ZZEF1: variants seen among roughly 807,000 people sequenced by gnomAD.
ZZEF1 encodes zinc finger ZZ-type and EF-hand domain-containing protein 1.
ZZEF1 carries 157 observed loss-of-function variants against 342.8 expected under a neutral mutation model. The observed-to-expected ratio is 0.46, with a 90% CI of 0.40 to 0.52. The LOEUF (loss-of-function observed/expected upper bound fraction) is 0.52, where lower values mean the gene tolerates loss of function less well. Among genes scored for constraint, ZZEF1 ranks in the 20% least tolerant of loss-of-function variants. ZZEF1 has a pLI of 0.00. For missense variants in ZZEF1, 3,480 were observed against 3,725.6 expected, an observed-to-expected ratio of 0.93 and a Z score of 1.72; for synonymous variants, 1,505 against 1,429.1, an observed-to-expected ratio of 1.05 and a Z score of -1.20.
rs750868623 is a variant in ZZEF1 at position 4,016,404 on chromosome 17, T to C, written c.8064A>G (p.Ala2688=). 3.3e-5 allele frequency: 53 copies of C among 1,614,030 alleles called. No individual in the cohort carries two copies. The highest frequency in any genetic ancestry group is 2.1e-5 in the Non-Finnish European group (25 of 1,180,036). ...TTCCTGGCTCCTCCATGAACTGGCA[T>C]GCAGCCAGGGCCATGGTCCCCAGCA... ...EDMLGTMALA[A]CQFMEEPGME... is the part of the protein sequence containing the mutation. Residue 2688 remains alanine (A), a synonymous_variant, in exon 49 of 55, where the codon GCA becomes GCG. Coordinates refer to ENST00000381638, the MANE Select transcript of ZZEF1 (RefSeq NM_015113.4). This position sits in a 1 kb window ranked among gnomAD's most constrained non-coding sequence, Gnocchi z 4.4.
rs927622777 is a variant in ZZEF1, at chr17:4,090,584, C to T, written c.2025+135G>A. The T allele has an allele frequency of 1.3e-5, 9 of 681,262 alleles. No individual in the cohort carries two copies. In the African/African-American group the frequency reaches 1.6e-4, roughly 12 times the overall value. 42.2% of individuals were successfully genotyped at this position (681,262 alleles called of 1,614,324 possible). ...CACACTGTCTTACACATCTGTCTCTCCCACAGAGTATGAACTCCCTGAAGG... is the reference window on the plus strand; with the variant it reads ...CACACTGTCTTACACATCTGTCTCTTCCACAGAGTATGAACTCCCTGAAGG... On this transcript the variant is annotated intron_variant, in intron 12 of 54. Transcript: ENST00000381638.
At chr17:4,051,749 A>AG (rs1294059317) in intron 35 of ZZEF1, among the ~76,000 whole-genome samples, 1 of 139,546 alleles carries the variant, frequency 7.2e-6, no homozygotes, top group East Asian at 2.0e-4. Flanking sequence ...TAACACAGGA[A>AG]AAAAAAAAAA....
rs7207986 is a variant in ZZEF1 at position 4,076,655 on chromosome 17, G to A, written c.3216C>T (p.Pro1072=). Reference sequence around the variant, plus strand: ...GAGTTACCTTCCTCAGTCCTCCTTCGGGGCCACTACAGAGCTTCTTCAGGA... The same window carrying A: ...GAGTTACCTTCCTCAGTCCTCCTTCAGGGCCACTACAGAGCTTCTTCAGGA... The part of the protein sequence containing the change: ...TELLKKLCSG[P]EGGLRKLDVE... The change falls in exon 21 of 55, where the codon CCC becomes CCT. Residue 1072 remains proline (P), a synonymous_variant. Coordinates refer to ENST00000381638, the MANE Select transcript of ZZEF1 (RefSeq NM_015113.4). 0.18 allele frequency: 291,279 copies of A among 1,610,174 alleles called. 26,956 individuals carry two copies. Among genetic ancestry groups the A allele is most frequent in the East Asian group, 0.22 (9,852 of 44,724 alleles).
At chr17:4,055,265 C>A (rs555071544) in intron 33 of ZZEF1, among the ~76,000 whole-genome samples, 2 of 152,188 alleles carry the variant, frequency 1.3e-5, no homozygotes, top group Non-Finnish European at 2.9e-5. Context: ...TTAACATATG[C>A]GAGAGAAAAA....
In ZZEF1 at chr17:4,016,574, C is replaced by T; in HGVS notation, c.8002-108G>A. 1 of 1,367,076 alleles carries T rather than the reference C, an allele frequency of 7.3e-7. No homozygotes were observed. The highest frequency in any genetic ancestry group is 9.7e-7 in the Non-Finnish European group (1 of 1,028,882). 84.7% of individuals were successfully genotyped at this position (1,367,076 alleles called of 1,614,324 possible). On this transcript the variant is annotated intron_variant, in intron 48 of 54. Coordinates refer to ENST00000381638, the MANE Select transcript of ZZEF1 (RefSeq NM_015113.4). The surrounding 1 kb of genome is among the most constrained non-coding windows in gnomAD (Gnocchi z 4.4). Reference sequence around the variant, plus strand: ...CCAAAGGTGCTGGCATCATCTTAGACCTAGGACGAGCCTCTGTGACTCCAC... The same window carrying T: ...CCAAAGGTGCTGGCATCATCTTAGATCTAGGACGAGCCTCTGTGACTCCAC...
intron 52 of ZZEF1, among the ~76,000 whole-genome samples, chr17:4,010,846 A>G (rs1652244268): frequency 6.6e-6 from 1 of 152,190 alleles, no homozygotes; most frequent in African/African-American, 2.4e-5. Context: ...ACAACAGTAA[A>G]CAGACACAAC....
chr17:4,056,032 C>T (rs559942390), intron 33 of ZZEF1, among the ~76,000 whole-genome samples, 184 bp downstream of exon 33: 14 of 152,360 alleles, frequency 9.2e-5, no homozygotes, highest in Non-Finnish European at 1.9e-4. Flanking sequence ...CTCAGCCTCC[C>T]TCGCTTGCCT....
At chr17:4,055,537 AGGC>A (rs1197876485) in intron 33 of ZZEF1, among the ~76,000 whole-genome samples, 2 of 152,176 alleles carry the variant, frequency 1.3e-5, no homozygotes, top group African/African-American at 4.8e-5. Context: ...CATGCTCACC[AGGC>A]AGCCTTCTGA....
chr17:4,124,273 T>C, intron 1 of ZZEF1, among the ~76,000 whole-genome samples: 1 of 152,224 alleles, frequency 6.6e-6, no homozygotes, highest in East Asian at 1.9e-4. Context: ...TTCCAATCTA[T>C]ATTCCAAGAG....
Position 4,016,353 on chromosome 17 carries a change from T to G in ZZEF1, c.8115A>C (p.Lys2705Asn). 1.9e-6 allele frequency: 3 copies of G among 1,614,128 alleles called. No individual in the cohort carries two copies. Among genetic ancestry groups the G allele is most frequent in the Non-Finnish European group, 2.5e-6 (3 of 1,180,006 alleles). ...PGMEVQVRES[K>N]HPYNNNTNFE... ...AGTTGGTGTTGTTGTTATACGGGTG[T>G]TTCGACTCCCTCACTTGCACCTCCA... is the stretch of plus-strand genomic sequence containing the variant. Residue 2705 changes from lysine (K) to asparagine (N), a missense_variant, in exon 49 of 55, where the codon AAA becomes AAC. Coordinates refer to ENST00000381638, the MANE Select transcript of ZZEF1 (RefSeq NM_015113.4). This position sits in a 1 kb window ranked among gnomAD's most constrained non-coding sequence, Gnocchi z 4.4.
intron 2 of ZZEF1, among the ~76,000 whole-genome samples, chr17:4,122,287 GA>G (rs1477623098): frequency 6.6e-6 from 1 of 151,532 alleles, no homozygotes; most frequent in Non-Finnish European, 1.5e-5. Flanking sequence ...CTTCTCACTA[GA>G]AAAAACAAAT....
At chr17:4,039,051 GATT>G (rs1236030284) in intron 39 of ZZEF1, among the ~76,000 whole-genome samples, 1 of 150,362 alleles carries the variant, frequency 6.7e-6, no homozygotes, top group Non-Finnish European at 1.5e-5. Context: ...AAAAAAAAAA[GATT>G]ATTAGGGGAA....
chr17:4,122,409 G>A (rs948251326), intron 2 of ZZEF1, among the ~76,000 whole-genome samples: 15 of 148,968 alleles, frequency 1.0e-4, no homozygotes, highest in African/African-American at 2.7e-4. Flanking sequence ...ACGGAGTTTC[G>A]CTCTTGTTGC....
chr17:4,115,214 T>G (rs2058375592), intron 3 of ZZEF1, among the ~76,000 whole-genome samples: 1 of 152,030 alleles, frequency 6.6e-6, no homozygotes, highest in Non-Finnish European at 1.5e-5. Context: ...TTTGGAGAGA[T>G]GGGGTCATCC....
rs986494476 is a variant in ZZEF1 at position 4,006,638 on chromosome 17, A to C, written c.*252T>G. ...AGAAGGCTGGTCTCTGAACCTTCTT[A>C]AGGGCCCCCTGCCCACCCTTTCTGA... On this transcript the variant is annotated 3_prime_UTR_variant, in exon 55 of 55. Coordinates refer to ENST00000381638, the MANE Select transcript of ZZEF1 (RefSeq NM_015113.4). 1 of 528,550 alleles carries C rather than the reference A, an allele frequency of 1.9e-6. No homozygotes were observed. The highest frequency in any genetic ancestry group is 1.9e-5 in the African/African-American group (1 of 51,702). 32.7% of individuals were successfully genotyped at this position (528,550 alleles called of 1,614,324 possible). A position where few individuals can be genotyped will look rare whatever the true frequency, so the allele number is the denominator to read the frequency against.
intron 39 of ZZEF1, 119 bp from the exon 40 acceptor site, chr17:4,034,411 G>T: frequency 9.8e-7 from 1 of 1,019,952 alleles, no homozygotes; most frequent in Non-Finnish European, 1.4e-6. Context: ...AATCATGCTT[G>T]TAGCTTTCAT....
At chr17:4,082,609 G>C in intron 16 of ZZEF1, 105 bp from the exon 17 acceptor site, 4 of 1,061,364 alleles carry the variant, frequency 3.8e-6, no homozygotes, top group Non-Finnish European at 5.6e-6. Flanking sequence ...TCAAGTATGA[G>C]GAATGCCAGG....
intron 2 of ZZEF1, among the ~76,000 whole-genome samples, chr17:4,117,511 G>A (rs2058415263): frequency 6.6e-6 from 1 of 151,846 alleles, no homozygotes; most frequent in Non-Finnish European, 1.5e-5. Context: ...AGCTGGGGGT[G>A]GTGGCAGGCG....
chr17:4,090,758 A>G lies in ZZEF1; in HGVS notation c.1986T>C (p.Asp662=). The change falls in exon 12 of 55, where the codon GAT becomes GAC. Residue 662 remains aspartate (D), a synonymous_variant. Coordinates refer to ENST00000381638, the MANE Select transcript of ZZEF1 (RefSeq NM_015113.4). Reference sequence around the variant, plus strand: ...ACTGTTGCAGCTTCACATCTGCTTCATCCCATTCTTCTTCCAGTTCAAACC... The same window carrying G: ...ACTGTTGCAGCTTCACATCTGCTTCGTCCCATTCTTCTTCCAGTTCAAACC... The part of the protein sequence containing the change: ...IGWFELEEEW[D]EADVKLQQCR... 6.2e-7 allele frequency: 1 copy of G among 1,614,196 alleles called. No individual in the cohort carries two copies. The highest frequency in any genetic ancestry group is 8.5e-7 in the Non-Finnish European group (1 of 1,180,040).
Sources: gnomAD v4.1 joint callset for allele counts (sites outside exome capture counted in the v4.1 genomes callset) on GRCh38, gnomAD v4.1.1 for gene constraint, Gnocchi (gnomAD v3.1) non-coding constraint, MANE v1.5 for transcripts, NCBI Gene and HGNC (gene_info 2026-07-23, HGNC 2026-07-21) for gene names.